BNC1: variants seen among roughly 807,000 people sequenced by gnomAD.
BNC1 encodes basonuclin zinc finger protein 1, also known as zinc finger protein basonuclin-1.
A neutral mutation model predicts 66.5 loss-of-function variants in BNC1; 8 were observed. The observed-to-expected ratio is 0.12, with a 90% CI of 0.07 to 0.22. The LOEUF (loss-of-function observed/expected upper bound fraction) is 0.22. BNC1 is among the 10% of genes least tolerant of loss of function. BNC1 has a pLI of 1.00. For missense variants in BNC1, 1,069 were observed against 1,241.3 expected (o/e 0.86, Z 2.09); for synonymous variants, 454 against 452.6 (o/e 1.00, Z -0.04).
At chr15:83,261,107 G>A (rs2038135230) in intron 4 of BNC1, among the ~76,000 whole-genome samples, 1 of 152,114 alleles carries the variant, frequency 6.6e-6, no homozygotes, top group South Asian at 2.1e-4. Flanking sequence ...GATATTGTAG[G>A]ATAGAACAGT....
In BNC1 at chr15:83,264,675, G is replaced by A. The variant is rs139103889; in HGVS notation, c.576C>T (p.Ser192=). ...LMAIQEKEEQ[S]IIIPPSTANV... is the part of the protein sequence containing the mutation. ...TTGCTGTGGAAGGTGGTATGATGAT[G>A]GATTGCTCTTCTTTCTCTTGAATTG... The change falls in exon 4 of 5, where the codon TCC becomes TCT. Residue 192 remains serine, a synonymous_variant. Transcript: ENST00000345382. The A allele has an allele frequency of 1.1e-3, 1,749 of 1,614,162 alleles. 23 individuals are homozygous for A. The African/African-American group carries it at 0.02, about 18-fold the overall frequency.
intron 1 of BNC1, among the ~76,000 whole-genome samples, chr15:83,278,421 A>G (rs549604180): frequency 6.6e-6 from 1 of 152,364 alleles, no homozygotes; most frequent in South Asian, 2.1e-4. Context: ...ACAGCAGAGT[A>G]GAGAATATGA....
At chr15:83,281,902 G>GGTACA (rs2038383274) in intron 1 of BNC1, among the ~76,000 whole-genome samples, 2 of 152,272 alleles carry the variant, frequency 1.3e-5, no homozygotes, top group African/African-American at 2.4e-5. Flanking sequence ...CATGGGCCTG[G>GGTACA]GATGCAGGCC....
At chr15:83,262,854 G>A in intron 4 of BNC1, 97 bp downstream of exon 4, 1 of 1,297,170 alleles carries the variant, frequency 7.7e-7, no homozygotes. Context: ...GTGGGGCTCA[G>A]AAGTCTGTGT....
At position 83,263,943 on chromosome 15, in the gene BNC1, C is replaced by T; in HGVS notation, c.1308G>A (p.Glu436=). The part of the protein sequence containing the change: ...LRNSLNLASS[E]NYKCPGFTVT... ...CTGTGAAACCTGGGCACTTGTAGTT[C>T]TCAGAGCTGGCCAGGTTCAGGCTGT... is the stretch of plus-strand genomic sequence containing the variant. Residue 436 remains glutamate, a synonymous_variant, in exon 4 of 5, where the codon GAG becomes GAA. Coordinates refer to ENST00000345382, the MANE Select transcript of BNC1 (RefSeq NM_001717.4). 6.2e-7 allele frequency: 1 copy of T among 1,614,190 alleles called. No homozygotes were observed. Among genetic ancestry groups the T allele is most frequent in the South Asian group, 1.1e-5 (1 of 91,078 alleles).
At chr15:83,284,443 C>T in intron 1 of BNC1, 87 bp downstream of exon 1, 2 of 891,568 alleles carry the variant, frequency 2.2e-6, no homozygotes, top group Non-Finnish European at 1.4e-6. Flanking sequence ...CCCTCGGGTA[C>T]CCACGGGAGC....
At chr15:83,278,876 T>G (rs1397579015) in intron 1 of BNC1, among the ~76,000 whole-genome samples, 1 of 152,132 alleles carries the variant, frequency 6.6e-6, no homozygotes, top group African/African-American at 2.4e-5. Flanking sequence ...AAGGAAATAA[T>G]CATTGAAATT....
rs754171760 is a variant in BNC1, at chr15:83,264,528, A to G, written c.723T>C (p.Thr241=). Residue 241 remains threonine (T), a synonymous_variant, in exon 4 of 5, where the codon ACT becomes ACC. Transcript: ENST00000345382. ...TGAAGAACTGGAAAGGCAGCATGAA[A>G]GTCATGTTGCTTATGAGGTTCTCAA... ...HPFENLISNM[T]FMLPFQFFNP... 17 of 1,613,984 alleles carry G rather than the reference A, an allele frequency of 1.1e-5. No individual in the cohort carries two copies. Among genetic ancestry groups the G allele is most frequent in the Non-Finnish European group, 1.4e-5 (17 of 1,180,030 alleles).
intron 1 of BNC1, among the ~76,000 whole-genome samples, chr15:83,271,119 T>C (rs1021560820): frequency 6.6e-6 from 1 of 151,976 alleles, no homozygotes; most frequent in Admixed American, 6.6e-5. Flanking sequence ...CTACCAAAAA[T>C]ACAAAAATTA....
At position 83,266,817 on chromosome 15, in the gene BNC1, A is replaced by G; in HGVS notation, c.435+19T>C. The G allele has an allele frequency of 1.2e-6, 2 of 1,605,824 alleles. No individual in the cohort carries two copies. ...TTTCAGAAAGCACCCTAGGAGGACA[A>G]TGTTCATGTTTACTGTACCTGCAGT... is the stretch of plus-strand genomic sequence containing the variant. On this transcript the variant is annotated intron_variant, in intron 3 of 4. Transcript: ENST00000345382.
intron 1 of BNC1, among the ~76,000 whole-genome samples, chr15:83,270,048 T>C (rs1567194215): frequency 6.6e-6 from 1 of 152,184 alleles, no homozygotes; most frequent in Non-Finnish European, 1.5e-5. Context: ...AGAAACCAGA[T>C]TAGTAGTTAC....
chr15:83,268,292 G>A, intron 1 of BNC1, 60 bp from the exon 2 acceptor site: 4 of 1,432,132 alleles, frequency 2.8e-6, no homozygotes. Context: ...AACATTCATT[G>A]TATTTCAAAC....
At chr15:83,279,841 T>C (rs2038360918) in intron 1 of BNC1, among the ~76,000 whole-genome samples, 1 of 152,112 alleles carries the variant, frequency 6.6e-6, no homozygotes, top group African/African-American at 2.4e-5. Flanking sequence ...ACTCCAAGTA[T>C]GAGGATGAAA....
At chr15:83,259,633 G>A (rs1423539323) in intron 4 of BNC1, among the ~76,000 whole-genome samples, 2 of 152,112 alleles carry the variant, frequency 1.3e-5, no homozygotes, top group African/African-American at 2.4e-5. Context: ...CTGGGTGGAC[G>A]TACAGGTTCC....
chr15:83,263,858 C>T lies in BNC1; in HGVS notation c.1393G>A (p.Gly465Ser). 6.2e-7 allele frequency: 1 copy of T among 1,614,178 alleles called. No homozygotes were observed. Among genetic ancestry groups the T allele is most frequent in the Non-Finnish European group, 8.5e-7 (1 of 1,180,034 alleles). The change falls in exon 4 of 5, where the codon GGC (glycine) becomes AGC (serine). Residue 465 changes from glycine to serine, a missense_variant. Gly to Ser is a moderately conservative substitution (Grantham distance 56, BLOSUM62 0). Transcript: ENST00000345382. The stretch of plus-strand genomic sequence containing the variant: ...CCAATGTTTGGGAAGGCTGGTTGGC[C>T]TTTGGAATCCTCTCCTGAACCAGGG... Reference protein sequence around the residue: ...SYPGSGEDSKGQPAFPNIGQN... With the variant: ...SYPGSGEDSKSQPAFPNIGQN...
rs1021286664 is a variant in BNC1 at position 83,257,191 on chromosome 15, C to T, written c.*251G>A. Reference sequence around the variant, plus strand: ...ATGTAAACAAATCTGGGAAAAATCACATTTCTGCAAGTTTTCCTTGTATCA... The same window carrying T: ...ATGTAAACAAATCTGGGAAAAATCATATTTCTGCAAGTTTTCCTTGTATCA... On this transcript the variant is annotated 3_prime_UTR_variant, in exon 5 of 5. Coordinates refer to ENST00000345382, the MANE Select transcript of BNC1 (RefSeq NM_001717.4). The T allele has an allele frequency of 3.7e-6, 2 of 546,648 alleles. No homozygotes were observed. Among genetic ancestry groups the T allele is most frequent in the South Asian group, 2.4e-5 (1 of 42,548 alleles). The allele number at this position is 546,648 out of a possible 1,614,324, so 33.9% of individuals were successfully genotyped here. A position where few individuals can be genotyped will look rare whatever the true frequency, so the allele number is the denominator to read the frequency against.
At position 83,263,470 on chromosome 15, in the gene BNC1, T is replaced by C. The variant is rs773288421; in HGVS notation, c.1781A>G (p.Gln594Arg). The C allele has an allele frequency of 1.9e-5, 30 of 1,614,128 alleles. No individual in the cohort carries two copies. The highest frequency in any genetic ancestry group is 2.5e-5 in the Non-Finnish European group (29 of 1,180,046). ...GAAAGGCTTCCCTAAGCCTCCTGAC[T>C]GTACATGCTGCTCCTCAGATACTCT... ...SHRVSEEQHV[Q>R]SGGLGKPFPE... The change falls in exon 4 of 5, where the codon CAG becomes CGG. Residue 594 changes from glutamine (Q) to arginine (R), a missense_variant. Physicochemically the swap from Gln to Arg is conservative, Grantham distance 43. Transcript: ENST00000345382.
chr15:83,257,411 C>T lies in BNC1; in HGVS notation c.*31G>A. On this transcript the variant is annotated 3_prime_UTR_variant, in exon 5 of 5. Transcript: ENST00000345382. ...CTTTATTCCTGAATTATGAAAAAAG[C>T]TTATCTGAGCATACTTGGTTTGCCA... 1 of 1,567,972 alleles carries T rather than the reference C, an allele frequency of 6.4e-7. No individual in the cohort carries two copies. Among genetic ancestry groups the T allele is most frequent in the Non-Finnish European group, 8.7e-7 (1 of 1,154,100 alleles).
chr15:83,270,966 A>G (rs576731176), intron 1 of BNC1, among the ~76,000 whole-genome samples: 1 of 152,196 alleles, frequency 6.6e-6, no homozygotes, highest in Non-Finnish European at 1.5e-5. Context: ...TGTCAATTAC[A>G]TCTCAATAAA....
Sources: allele counts gnomAD v4.1 joint callset (sites outside exome capture counted in the v4.1 genomes callset), GRCh38; gene constraint gnomAD v4.1.1; transcripts MANE v1.5; gene names NCBI Gene and HGNC (gene_info 2026-07-23, HGNC 2026-07-21).